Variants in MAX observed in about 807,000 individuals in gnomAD.
MAX encodes the protein MYC associated transcriptional regulator X, also known as protein max.
MAX carries 3 observed loss-of-function variants against 22.3 expected under a neutral mutation model. The observed-to-expected ratio is 0.13, with a 90% CI of 0.06 to 0.35. The LOEUF (loss-of-function observed/expected upper bound fraction) is 0.35. Among genes scored for constraint, MAX ranks in the 10% least tolerant of loss-of-function variants. MAX has a pLI of 1.00. For missense variants in MAX, 119 were observed against 209.4 expected (o/e 0.57, Z 2.66); for synonymous variants, 72 against 77.7 (o/e 0.93, Z 0.39).
chr14:65,026,465 G>A (rs1042783165), intron 3 of MAX, among the ~76,000 whole-genome samples: 7 of 152,166 alleles, frequency 4.6e-5, no homozygotes, highest in Non-Finnish European at 2.9e-5. Context: ...TTCTCACGGC[G>A]AGTCAGTGCA....
rs1195569862 is a variant in MAX at position 65,069,092 on chromosome 14, T to C, written c.171+24616A>G. The stretch of plus-strand genomic sequence containing the variant: ...GTAAGTGCTAGGTGTCCATGCTCCT[T>C]GCGAGGCTCCATCCCCCCAGCCCCT... On this transcript the variant is annotated intron_variant, in intron 3 of 3. Coordinates refer to the MAX transcript ENST00000341653. This position sits in a 1 kb window ranked among gnomAD's most constrained non-coding sequence, Gnocchi z 4.6. Among the ~76,000 whole-genome samples the C allele has an allele frequency of 6.6e-6, 1 of 152,204 alleles. No homozygotes were observed. The highest frequency in any genetic ancestry group is 6.5e-5 in the Admixed American group (1 of 15,284).
At chr14:65,066,511 C>CT (rs1336342254) in intron 3 of MAX, among the ~76,000 whole-genome samples, 3 of 152,172 alleles carry the variant, frequency 2.0e-5, no homozygotes, top group Non-Finnish European at 4.4e-5. Flanking sequence ...GAAACTTTCC[C>CT]TTGCCCTCTG....
Position 65,009,956 on chromosome 14 carries a change from C to T in MAX, c.172-3672G>A, listed in dbSNP as rs559687832. Among the ~76,000 whole-genome samples, 3 of 152,274 alleles carry T rather than the reference C, an allele frequency of 2.0e-5. No individual in the cohort carries two copies. The South Asian group carries it at 6.2e-4, about 32-fold the overall frequency. On this transcript the variant is annotated intron_variant, in intron 3 of 3. Transcript: ENST00000341653. The surrounding 1 kb of genome is among the most constrained non-coding windows in gnomAD (Gnocchi z 4.2). ...CAGCCTCTACCCCAGTGCTGGACAA[C>T]ACTCTGCCCACACAGATGGGTGCTC...
intron 3 of MAX, among the ~76,000 whole-genome samples, chr14:65,020,538 G>T (rs1331670564): frequency 6.6e-6 from 1 of 151,950 alleles, no homozygotes; most frequent in Non-Finnish European, 1.5e-5. Context: ...CAATTCTCCT[G>T]CCTCGGCCTC....
At chr14:65,071,328 G>T (rs1456409714), downstream of MAX, among the ~76,000 whole-genome samples, 2 of 152,140 alleles carry the variant, frequency 1.3e-5, no homozygotes, top group Non-Finnish European at 2.9e-5. The surrounding 1 kb of genome is among the most constrained non-coding windows in gnomAD (Gnocchi z 4.2). Context: ...ATTTTTAGTA[G>T]AGACGGGGTT....
At chr14:65,013,325 C>CTTTTTT (rs11413261) in intron 3 of MAX, among the ~76,000 whole-genome samples, 1 of 146,750 alleles carries the variant, frequency 6.8e-6, no homozygotes. Flanking sequence ...TCTTTGTTTC[C>CTTTTTT]TTTTTTTTTT....
At chr14:65,097,961 AC>A (rs1215774247) in intron 2 of MAX, among the ~76,000 whole-genome samples, 1 of 152,150 alleles carries the variant, frequency 6.6e-6, no homozygotes, top group African/African-American at 2.4e-5. Context: ...TTGTTTTCAA[AC>A]TTTTTTCTTT....
rs1038736701 is a variant in MAX at position 65,047,029 on chromosome 14, A to T, written c.172-40745T>A. On this transcript the variant is annotated intron_variant, in intron 3 of 3. Coordinates refer to the MAX transcript ENST00000341653. The surrounding 1 kb of genome is among the most constrained non-coding windows in gnomAD (Gnocchi z 5.2). The stretch of plus-strand genomic sequence containing the variant: ...AATTTCTTTAATTTGAAAAAAAATC[A>T]TACAAACCAGTAAGAAATGGATGGA... Among the ~76,000 whole-genome samples, 1 of 152,218 alleles carries T rather than the reference A, an allele frequency of 6.6e-6. No homozygotes were observed. Among genetic ancestry groups the T allele is most frequent in the Non-Finnish European group, 1.5e-5 (1 of 68,030 alleles).
At position 65,045,424 on chromosome 14, in the gene MAX, C is replaced by T. The variant is rs370455630; in HGVS notation, c.172-39140G>A. On this transcript the variant is annotated intron_variant, in intron 3 of 3. Transcript: ENST00000341653. ...CCCACCCCCCGTCTTCCCCCCTCCCCGCCGCCCCCGAGATGGAGTCGTGCT... is the reference window on the plus strand; with the variant it reads ...CCCACCCCCCGTCTTCCCCCCTCCCTGCCGCCCCCGAGATGGAGTCGTGCT... Among the ~76,000 whole-genome samples, 119 of 145,736 alleles carry T rather than the reference C, an allele frequency of 8.2e-4. 1 individual carries two copies. Among genetic ancestry groups the T allele is most frequent in the East Asian group, 8.0e-3 (39 of 4,902 alleles).
rs2063223685 is a variant in MAX, at chr14:65,082,510, TC to T, written c.172-4475del. 6.6e-6 allele frequency: 1 copy of T among 152,260 alleles called. No homozygotes were observed. Among genetic ancestry groups the T allele is most frequent in the East Asian group, 1.9e-4 (1 of 5,188 alleles). The allele number at this position is 152,260 out of a possible 1,614,324, so 9.4% of individuals were successfully genotyped here. A position where few individuals can be genotyped will look rare whatever the true frequency, so the allele number is the denominator to read the frequency against. ...CAGGTGCAGTGGCTCATGCCTGTAA[TC>T]CCAGCACCCTGGGAGGCTGAGGTGG... On this transcript the variant is annotated intron_variant, in intron 3 of 4. Transcript: ENST00000358664. The surrounding 1 kb of genome is among the most constrained non-coding windows in gnomAD (Gnocchi z 4.8).
At chr14:65,052,947 G>C (rs1197456497) in intron 3 of MAX, among the ~76,000 whole-genome samples, 1 of 152,184 alleles carries the variant, frequency 6.6e-6, no homozygotes, top group Non-Finnish European at 1.5e-5. Flanking sequence ...AGCTAGGCTG[G>C]TTCACTGCCT....
chr14:65,077,485 TAG>T lies in MAX; in HGVS notation c.295+426_295+427del. 9 of 1,185,892 alleles carry T rather than the reference TAG, an allele frequency of 7.6e-6. No individual in the cohort carries two copies. The highest frequency in any genetic ancestry group is 1.0e-5 in the Non-Finnish European group (8 of 788,802). 73.5% of individuals were successfully genotyped at this position (1,185,892 alleles called of 1,614,324 possible). A position where few individuals can be genotyped will look rare whatever the true frequency, so the allele number is the denominator to read the frequency against. ...TTGAGAACAGCATGGGCCTAGCCCA[TAG>T]GCTGCCCTGATTGGACTACCATTGA... On this transcript the variant is annotated intron_variant, in intron 4 of 4. Coordinates refer to ENST00000358664, the MANE Select transcript of MAX (RefSeq NM_002382.5). This position sits in a 1 kb window ranked among gnomAD's most constrained non-coding sequence, Gnocchi z 6.3.
chr14:65,026,928 G>A (rs2061993158), intron 3 of MAX, among the ~76,000 whole-genome samples: 1 of 152,150 alleles, frequency 6.6e-6, no homozygotes, highest in South Asian at 2.1e-4. Context: ...GCCCACAGAG[G>A]CTTAGGTGGC....
Position 65,027,802 on chromosome 14 carries a change from G to C in MAX, c.172-21518C>G, listed in dbSNP as rs772983193. 1.9e-6 allele frequency: 3 copies of C among 1,613,634 alleles called. No homozygotes were observed. Among genetic ancestry groups the C allele is most frequent in the Non-Finnish European group, 1.7e-6 (2 of 1,179,950 alleles). On this transcript the variant is annotated intron_variant, in intron 3 of 3. Coordinates refer to the MAX transcript ENST00000341653. The surrounding 1 kb of genome is among the most constrained non-coding windows in gnomAD (Gnocchi z 5.7). Reference sequence around the variant, plus strand: ...GTGAGGTGAGTGGGGTTTTGCACAGGCTGCCACATCAGTTGACTCTAGAGC... The same window carrying C: ...GTGAGGTGAGTGGGGTTTTGCACAGCCTGCCACATCAGTTGACTCTAGAGC...
intron 3 of MAX, among the ~76,000 whole-genome samples, chr14:65,042,174 C>T (rs1439207107): frequency 2.6e-5 from 4 of 151,576 alleles, no homozygotes; most frequent in African/African-American, 7.3e-5. Context: ...ATAATTTTTC[C>T]GTGGACCTGG....
In MAX at chr14:65,029,269, AT is replaced by A; in HGVS notation, c.172-22986del. On this transcript the variant is annotated intron_variant, in intron 3 of 3. Transcript: ENST00000341653. The surrounding 1 kb of genome is among the most constrained non-coding windows in gnomAD (Gnocchi z 4.7). ...TGGTTTCTAGTACCCCGATTCCATC[AT>A]TTTTCACTTGGCATTTCTTTCATTG... 6.6e-6 allele frequency among the ~76,000 whole-genome samples: 1 copy of A among 152,274 alleles called. No homozygotes were observed. The highest frequency in any genetic ancestry group is 2.1e-4 in the South Asian group (1 of 4,822).
intron 3 of MAX, among the ~76,000 whole-genome samples, chr14:65,055,468 C>T (rs538583445): frequency 9.2e-5 from 14 of 152,066 alleles, no homozygotes; most frequent in Non-Finnish European, 2.1e-4. Context: ...ATTTTCTCAT[C>T]TGTGTCATTG....
At chr14:65,095,755 C>A (rs1235906703) in intron 2 of MAX, among the ~76,000 whole-genome samples, 1 of 152,186 alleles carries the variant, frequency 6.6e-6, no homozygotes, top group East Asian at 1.9e-4. Context: ...CACCCTGATT[C>A]TTGGCCCTCC....
rs532589665 is a variant in MAX at position 65,081,552 on chromosome 14, C to T, written c.172-3516G>A. On this transcript the variant is annotated intron_variant, in intron 3 of 4. Transcript: ENST00000358664. Reference sequence around the variant, plus strand: ...ATTTATGGCATGGACTATGGAATAACCCTGGACTTTCAGTTTCTGTTTTCT... The same window carrying T: ...ATTTATGGCATGGACTATGGAATAATCCTGGACTTTCAGTTTCTGTTTTCT... 1.4e-4 allele frequency among the ~76,000 whole-genome samples: 22 copies of T among 152,250 alleles called. 1 individual carries two copies. The South Asian group carries it at 3.7e-3, about 26-fold the overall frequency.
Sources: gnomAD v4.1 joint callset for allele counts (sites outside exome capture counted in the v4.1 genomes callset) on GRCh38, gnomAD v4.1.1 for gene constraint, Gnocchi (gnomAD v3.1) non-coding constraint, MANE v1.5 for transcripts, NCBI Gene and HGNC (gene_info 2026-07-23, HGNC 2026-07-21) for gene names.